The following NTM variants were observed in gnomAD, a reference collection of about 807,000 sequenced individuals.
The protein encoded by NTM is IgLON family member 2.
NTM carries 13 observed loss-of-function variants against 42.1 expected under a neutral mutation model. The ratio of observed to expected loss-of-function variants is 0.31; its 90% CI spans 0.20 to 0.49. NTM has a LOEUF of 0.49. NTM is among the 20% of genes least tolerant of loss of function. The probability of loss-of-function intolerance (pLI) is 0.99; values close to 1 mark genes in which losing one functional copy is unlikely to be tolerated. For synonymous variants in NTM, 187 were observed against 179.2 expected, an observed-to-expected ratio of 1.04 and a Z score of -0.35; for missense variants, 373 against 452.8, an observed-to-expected ratio of 0.82 and a Z score of 1.60.
At chr11:131,759,466 C>T (rs1438019468) in intron 1 of NTM, among the ~76,000 whole-genome samples, 1 of 152,176 alleles carries the variant, frequency 6.6e-6, no homozygotes, top group Non-Finnish European at 1.5e-5. Context: ...TTTCATTAAG[C>T]TTACCAACTT....
chr11:131,571,888 C>T (rs1390533360), intron 1 of NTM, among the ~76,000 whole-genome samples: 1 of 152,098 alleles, frequency 6.6e-6, no homozygotes, highest in Non-Finnish European at 1.5e-5. Context: ...AGGAAGAGAG[C>T]ACATATGAAA....
intron 4 of NTM, among the ~76,000 whole-genome samples, chr11:132,222,773 A>G (rs969136771): frequency 6.6e-5 from 10 of 151,728 alleles, no homozygotes; most frequent in Admixed American, 3.9e-4. Flanking sequence ...CACGCACCCC[A>G]CCCTGAAAAA....
At chr11:132,040,527 CAA>C (rs72126094) in intron 2 of NTM, among the ~76,000 whole-genome samples, 4 of 152,106 alleles carry the variant, frequency 2.6e-5, no homozygotes, top group Non-Finnish European at 4.4e-5. Context: ...AGCCCCATGA[CAA>C]AAAATGTTGG....
chr11:131,388,771 GGAGGTC>G (rs1322237408), intron 1 of NTM, among the ~76,000 whole-genome samples: 3 of 151,836 alleles, frequency 2.0e-5, no homozygotes, highest in Admixed American at 1.3e-4. Context: ...CAGCACTTCG[GGAGGTC>G]GAGGCGGGCG....
At chr11:132,234,786 T>A (rs1466186340) in intron 4 of NTM, among the ~76,000 whole-genome samples, 2 of 152,230 alleles carry the variant, frequency 1.3e-5, no homozygotes, top group African/African-American at 4.8e-5. Flanking sequence ...AAATTACTAG[T>A]TATTGTTAAC....
chr11:131,462,973 A>T (rs1417236711), intron 1 of NTM, among the ~76,000 whole-genome samples: 1 of 152,032 alleles, frequency 6.6e-6, no homozygotes, highest in Non-Finnish European at 1.5e-5. Flanking sequence ...AAGAAGATAT[A>T]GGTAAGAATA....
intron 2 of NTM, among the ~76,000 whole-genome samples, chr11:132,018,285 T>G (rs1388165314): frequency 6.6e-6 from 1 of 151,928 alleles, no homozygotes; most frequent in Non-Finnish European, 1.5e-5. Context: ...GTGTCAAAAT[T>G]AGACATTCAT....
chr11:132,025,824 A>G (rs1350546080), intron 2 of NTM, among the ~76,000 whole-genome samples: 1 of 152,210 alleles, frequency 6.6e-6, no homozygotes, highest in Non-Finnish European at 1.5e-5. Flanking sequence ...GGCACTTACT[A>G]ATCACTCAAA....
intron 1 of NTM, among the ~76,000 whole-genome samples, chr11:131,676,512 A>G (rs1177373808): frequency 6.6e-6 from 1 of 152,144 alleles, no homozygotes; most frequent in Non-Finnish European, 1.5e-5. Flanking sequence ...TGCATGCGTG[A>G]CTGTGAACCT....
chr11:131,641,726 T>G (rs1055399466), intron 1 of NTM, among the ~76,000 whole-genome samples: 2 of 96,168 alleles, frequency 2.1e-5, no homozygotes, highest in African/African-American at 7.3e-5. Flanking sequence ...TCTAATAGTC[T>G]AGATTTTTTT....
At chr11:131,899,296 C>T (rs920068602) in intron 1 of NTM, among the ~76,000 whole-genome samples, 1 of 152,198 alleles carries the variant, frequency 6.6e-6, no homozygotes, top group Non-Finnish European at 1.5e-5. Context: ...GGCGGGCCAA[C>T]TAACCCTGCC....
chr11:131,500,578 T>TAC (rs1491209927), intron 1 of NTM, among the ~76,000 whole-genome samples: 2 of 1,550 alleles, frequency 1.3e-3, no homozygotes, highest in Non-Finnish European at 2.6e-3. Context: ...TATATATATA[T>TAC]TTTTTTTTTT....
chr11:132,229,763 G>T (rs2087103477), intron 4 of NTM, among the ~76,000 whole-genome samples: 1 of 152,180 alleles, frequency 6.6e-6, no homozygotes, highest in Non-Finnish European at 1.5e-5. Context: ...GCTCTGGGGA[G>T]GAAAGTGGTT....
chr11:131,919,207 G>C (rs1298013243), intron 2 of NTM, among the ~76,000 whole-genome samples: 1 of 151,860 alleles, frequency 6.6e-6, no homozygotes, highest in African/African-American at 2.4e-5. Context: ...GTTCTCTTAG[G>C]TTGAAAGTCT....
chr11:132,116,303 G>T (rs1361032758), intron 2 of NTM, among the ~76,000 whole-genome samples: 2 of 152,182 alleles, frequency 1.3e-5, no homozygotes, highest in East Asian at 3.9e-4. Flanking sequence ...CAAGTGCTAG[G>T]ACCATGGAGG....
At chr11:131,776,459 G>A (rs1369345530) in intron 1 of NTM, among the ~76,000 whole-genome samples, 6 of 152,156 alleles carry the variant, frequency 3.9e-5, no homozygotes, top group Non-Finnish European at 8.8e-5. Context: ...TGCCTTCCAC[G>A]TTAACAAGGG....
chr11:132,254,655 A>G (rs1021868362), intron 4 of NTM, among the ~76,000 whole-genome samples: 6 of 151,828 alleles, frequency 4.0e-5, no homozygotes, highest in Non-Finnish European at 7.4e-5. Context: ...CACTTCTATA[A>G]AAGACTCGGT....
At chr11:131,617,150 T>G (rs1422966818) in intron 1 of NTM, among the ~76,000 whole-genome samples, 1 of 151,944 alleles carries the variant, frequency 6.6e-6, no homozygotes, top group East Asian at 1.9e-4. Context: ...GTTCCCTCGG[T>G]CCTTCTCTCT....
chr11:131,905,480 T>C (rs1459598206), intron 1 of NTM, among the ~76,000 whole-genome samples: 1 of 152,092 alleles, frequency 6.6e-6, no homozygotes, highest in Admixed American at 6.5e-5. Context: ...GTGTAGCGTC[T>C]GTGCTGTCTT....
Sources: allele counts gnomAD v4.1 joint callset (sites outside exome capture counted in the v4.1 genomes callset), GRCh38; gene constraint gnomAD v4.1.1; transcripts MANE v1.5; gene names NCBI Gene and HGNC (gene_info 2026-07-23, HGNC 2026-07-21).